The following ABHD17C variants were observed in gnomAD, a reference collection of about 807,000 sequenced individuals.
The protein encoded by ABHD17C is alpha/beta hydrolase domain-containing protein 17C.
ABHD17C carries 11 observed loss-of-function variants against 27.9 expected under a neutral mutation model. The observed-to-expected ratio is 0.39, with a 90% CI of 0.25 to 0.65. The LOEUF is 0.65. ABHD17C is among the 30% of genes least tolerant of loss of function. The pLI is 0.45. For missense variants in ABHD17C, 280 were observed against 470.2 expected, an observed-to-expected ratio of 0.60 and a Z score of 3.74; for synonymous variants, 233 against 209.1, an observed-to-expected ratio of 1.11 and a Z score of -0.98.
chr15:80,724,706 G>A (rs1894948573), intron 1 of ABHD17C, among the ~76,000 whole-genome samples: 1 of 152,116 alleles, frequency 6.6e-6, no homozygotes, highest in Admixed American at 6.5e-5. Flanking sequence ...GGTCTGGGAG[G>A]GTGATGGATG....
intron 1 of ABHD17C, among the ~76,000 whole-genome samples, chr15:80,720,050 T>G (rs900414918): frequency 6.6e-6 from 1 of 152,198 alleles, no homozygotes; most frequent in South Asian, 2.1e-4. Flanking sequence ...CCCTCCCACC[T>G]TAGCCTCCCA....
intron 1 of ABHD17C, among the ~76,000 whole-genome samples, chr15:80,697,029 G>T (rs935859886): frequency 6.6e-6 from 1 of 152,058 alleles, no homozygotes; most frequent in Non-Finnish European, 1.5e-5. Context: ...CATTATTGTC[G>T]CCATGGACCC....
intron 1 of ABHD17C, among the ~76,000 whole-genome samples, chr15:80,718,386 A>G (rs980532165): frequency 3.3e-5 from 5 of 152,008 alleles, no homozygotes; most frequent in Non-Finnish European, 5.9e-5. Context: ...AGGCTGGAGC[A>G]CAGTAGCACA....
chr15:80,713,772 G>A (rs1473739423), intron 1 of ABHD17C, among the ~76,000 whole-genome samples: 6 of 151,920 alleles, frequency 3.9e-5, no homozygotes. Context: ...TCGTGCCATT[G>A]CACTCCAGCC....
At chr15:80,751,106 T>A (rs1422329052) in intron 2 of ABHD17C, among the ~76,000 whole-genome samples, 1 of 152,050 alleles carries the variant, frequency 6.6e-6, no homozygotes, top group Non-Finnish European at 1.5e-5. Context: ...TCCCAGTACT[T>A]TGGGAGGCCA....
At chr15:80,752,063 T>C (rs1270270361) in intron 2 of ABHD17C, among the ~76,000 whole-genome samples, 1 of 152,236 alleles carries the variant, frequency 6.6e-6, no homozygotes, top group Admixed American at 6.5e-5. Context: ...TTACCTCCTT[T>C]ACACTTGGGA....
intron 1 of ABHD17C, among the ~76,000 whole-genome samples, chr15:80,718,233 C>T (rs1401070642): frequency 1.3e-5 from 2 of 149,626 alleles, no homozygotes; most frequent in African/African-American, 4.9e-5. Flanking sequence ...CAAATCAGGT[C>T]TCTAGCTTGT....
intron 1 of ABHD17C, among the ~76,000 whole-genome samples, chr15:80,707,719 C>T (rs1433023538): frequency 6.6e-6 from 1 of 152,100 alleles, no homozygotes; most frequent in Admixed American, 6.5e-5. Context: ...AGAACAACTT[C>T]ATGCTGTGGT....
chr15:80,727,046 A>G (rs1303310192), intron 1 of ABHD17C, among the ~76,000 whole-genome samples: 1 of 152,248 alleles, frequency 6.6e-6, no homozygotes, highest in Non-Finnish European at 1.5e-5. Flanking sequence ...CAAATCTTGT[A>G]GTTTAAGACA....
Position 80,734,831 on chromosome 15 carries a change from A to C in ABHD17C, c.591-14682A>C, listed in dbSNP as rs187477173. On this transcript the variant is annotated intron_variant, in intron 1 of 2. Transcript: ENST00000258884. ...ATACATTAAGGGTGGATGCTGCTTT[A>C]CAAAAATTAGGTAAAGCTTGTCTTG... 4.6e-3 allele frequency among the ~76,000 whole-genome samples: 695 copies of C among 152,378 alleles called. 5 individuals carry two copies. The highest frequency in any genetic ancestry group is 0.015 in the African/African-American group (637 of 41,582).
Position 80,695,773 on chromosome 15 carries a change from C to G in ABHD17C, c.344C>G (p.Ala115Gly). Residue 115 changes from alanine (A) to glycine (G), a missense_variant, in exon 1 of 3, where the codon GCC (alanine) becomes GGC (glycine). Around this residue, in one of 2 missense-constraint regions of ABHD17C, gnomAD observed 206 missense variants for 394.7 expected, o/e 0.52. Coordinates refer to ENST00000258884, the MANE Select transcript of ABHD17C (RefSeq NM_021214.2). The surrounding 1 kb of genome is among the most constrained non-coding windows in gnomAD (Gnocchi z 4.3). The stretch of plus-strand genomic sequence containing the variant: ...GTCGAGGTCTTCTTCTCGCGCACGG[C>G]CCGGGACAACCGGCTCGGCTGCATG... ...DAVEVFFSRTARDNRLGCMFV... is the reference protein window; with the variant it reads ...DAVEVFFSRTGRDNRLGCMFV... The G allele has an allele frequency of 6.5e-7, 1 of 1,543,812 alleles. No homozygotes were observed. The highest frequency in any genetic ancestry group is 8.7e-7 in the Non-Finnish European group (1 of 1,151,736).
In ABHD17C at chr15:80,695,903, C is replaced by T; in HGVS notation, c.474C>T (p.Arg158=). 2 of 1,597,374 alleles carry T rather than the reference C, an allele frequency of 1.3e-6. No individual in the cohort carries two copies. Residue 158 remains arginine (R), a synonymous_variant, in exon 1 of 3, where the codon CGC becomes CGT. Transcript: ENST00000258884. The surrounding 1 kb of genome is among the most constrained non-coding windows in gnomAD (Gnocchi z 4.3). ...GCTTCTACATTGGCCTCGGCTCCCG[C>T]ATCAACTGCAACATCTTCTCCTACG... The part of the protein sequence containing the change: ...MCSFYIGLGS[R]INCNIFSYDY...
intron 1 of ABHD17C, among the ~76,000 whole-genome samples, chr15:80,712,082 A>C (rs1894735433): frequency 6.6e-6 from 1 of 152,030 alleles, no homozygotes; most frequent in Non-Finnish European, 1.5e-5. Flanking sequence ...CTGTCCCCAT[A>C]GTTCTAAGAT....
intron 1 of ABHD17C, among the ~76,000 whole-genome samples, chr15:80,714,624 A>C (rs1004573062): frequency 6.6e-5 from 10 of 152,238 alleles, no homozygotes; most frequent in African/African-American, 2.4e-4. Context: ...GCAGAAAGAC[A>C]AAACCAGAAC....
In ABHD17C at chr15:80,749,781, T is replaced by C. The variant is rs1895341647; in HGVS notation, c.770+89T>C. The C allele has an allele frequency of 6.3e-6, 9 of 1,439,956 alleles. No homozygotes were observed. The South Asian group carries it at 1.2e-4, about 19-fold the overall frequency. The allele number at this position is 1,439,956 out of a possible 1,614,324, so 89.2% of individuals were successfully genotyped here. On this transcript the variant is annotated intron_variant, in intron 2 of 2. Coordinates refer to ENST00000258884, the MANE Select transcript of ABHD17C (RefSeq NM_021214.2). ...CCATAAATATCTGTGTAAATATTTA[T>C]TGAATGCAGCCATACGTCAGACCCT...
chr15:80,751,568 G>C (rs1033747248), intron 2 of ABHD17C, among the ~76,000 whole-genome samples: 3 of 152,140 alleles, frequency 2.0e-5, no homozygotes, highest in Admixed American at 1.3e-4. Flanking sequence ...ACCACAGCAA[G>C]ATCCTGTCAC....
At chr15:80,726,500 GGTT>G (rs1226343247) in intron 1 of ABHD17C, among the ~76,000 whole-genome samples, 20 of 75,496 alleles carry the variant, frequency 2.6e-4, no homozygotes, top group Non-Finnish European at 4.4e-4. Flanking sequence ...TTCTTTTTCT[GGTT>G]TTTTTTTTTT....
At chr15:80,718,446 C>T (rs566318736) in intron 1 of ABHD17C, among the ~76,000 whole-genome samples, 1 of 152,276 alleles carries the variant, frequency 6.6e-6, no homozygotes, top group Admixed American at 6.5e-5. Flanking sequence ...GATTCTCCTG[C>T]CTCCGCCTCT....
rs1162634180 is a variant in ABHD17C, at chr15:80,695,980, A to T, written c.551A>T (p.Tyr184Phe). 6.3e-7 allele frequency: 1 copy of T among 1,588,414 alleles called. No individual in the cohort carries two copies. Among genetic ancestry groups the T allele is most frequent in the East Asian group, 2.3e-5 (1 of 44,280 alleles). The change falls in exon 1 of 3, where the codon TAC becomes TTC. Residue 184 changes from tyrosine (Y) to phenylalanine (F), a missense_variant. Coordinates refer to ENST00000258884, the MANE Select transcript of ABHD17C (RefSeq NM_021214.2). The surrounding 1 kb of genome is among the most constrained non-coding windows in gnomAD (Gnocchi z 4.3). Reference sequence around the variant, plus strand: ...GGCAAGCCCTCCGAGAAGAACCTCTACGCCGACATCGACGCCGCGTGGCAG... The same window carrying T: ...GGCAAGCCCTCCGAGAAGAACCTCTTCGCCGACATCGACGCCGCGTGGCAG... ...SSGKPSEKNL[Y>F]ADIDAAWQAL...
Sources: allele counts gnomAD v4.1 joint callset (sites outside exome capture counted in the v4.1 genomes callset), GRCh38; gene constraint gnomAD v4.1.1; regional missense constraint gnomAD v4.1.1; non-coding constraint Gnocchi (gnomAD v3.1); transcripts MANE v1.5; gene names NCBI Gene and HGNC (gene_info 2026-07-23, HGNC 2026-07-21).